ABLIM1: variants seen among roughly 807,000 people sequenced by gnomAD.
ABLIM1 encodes actin binding LIM protein 1, also known as actin-binding LIM protein 1.
A neutral mutation model predicts 107.0 loss-of-function variants in ABLIM1; 40 were observed. The observed-to-expected ratio is 0.37, with a 90% CI of 0.29 to 0.49. ABLIM1 has a LOEUF of 0.49. Ranked by LOEUF, ABLIM1 falls within the 20% of genes least tolerant of loss-of-function variation. The pLI, the probability that ABLIM1 is intolerant of heterozygous loss-of-function variation, is 0.97. For missense variants in ABLIM1, 857 were observed against 1,008.5 expected (o/e 0.85, Z 2.04); for synonymous variants, 357 against 357.3 (o/e 1.00, Z 0.01).
intron 7 of ABLIM1, among the ~76,000 whole-genome samples, chr10:114,490,311 C>A (rs981503379): frequency 2.6e-5 from 4 of 152,160 alleles, no homozygotes; most frequent in African/African-American, 9.7e-5. Context: ...AGTGATCATT[C>A]TAAAGCCAAA....
intron 1 of ABLIM1, among the ~76,000 whole-genome samples, chr10:114,603,547 T>G (rs1190190123): frequency 2.0e-5 from 3 of 151,412 alleles, no homozygotes; most frequent in African/African-American, 7.3e-5. Context: ...TCTAAAGGAA[T>G]TAAGGAGGGA....
chr10:114,719,767 G>T (rs1010644331), intron 1 of ABLIM1, among the ~76,000 whole-genome samples: 2 of 152,108 alleles, frequency 1.3e-5, no homozygotes, highest in Non-Finnish European at 2.9e-5. Context: ...GAAAAATCCC[G>T]TCTTCCCAGG....
intron 4 of ABLIM1, among the ~76,000 whole-genome samples, chr10:114,552,859 G>A (rs969120986): frequency 3.3e-5 from 5 of 152,206 alleles, no homozygotes; most frequent in Non-Finnish European, 1.5e-5. Flanking sequence ...TGGTACATGT[G>A]AGCCACTCAA....
intron 12 of ABLIM1, among the ~76,000 whole-genome samples, chr10:114,462,586 T>C (rs2064171986): frequency 6.6e-6 from 1 of 152,194 alleles, no homozygotes; most frequent in Non-Finnish European, 1.5e-5. Flanking sequence ...CTTTTAATGC[T>C]GCCCAAACAT....
At chr10:114,572,525 G>A (rs1473571481) in intron 3 of ABLIM1, among the ~76,000 whole-genome samples, 1 of 152,140 alleles carries the variant, frequency 6.6e-6, no homozygotes, top group Non-Finnish European at 1.5e-5. Context: ...GAGGAGAGGT[G>A]GTGTCCTCTC....
At chr10:114,459,860 T>C (rs1380077002) in intron 12 of ABLIM1, among the ~76,000 whole-genome samples, 1 of 152,198 alleles carries the variant, frequency 6.6e-6, no homozygotes, top group East Asian at 1.9e-4. Flanking sequence ...CACCTGACGG[T>C]GTCAAACACT....
intron 11 of ABLIM1, 118 bp downstream of exon 11, chr10:114,468,063 C>T: frequency 1.1e-6 from 1 of 875,854 alleles, no homozygotes; most frequent in Non-Finnish European, 1.9e-6. Context: ...CATAACCCCA[C>T]ATGCAGTTTT....
intron 2 of ABLIM1, among the ~76,000 whole-genome samples, chr10:114,583,452 CACACACACACACACACATATATAT>C (rs2073750629): frequency 1.5e-4 from 4 of 26,838 alleles, no homozygotes; most frequent in African/African-American, 3.7e-4. Context: ...CACACACACA[CACACACACACACACACATATATAT>C]ATATATATAT....
At chr10:114,800,692 C>T in the ABLIM1 span, among the ~76,000 whole-genome samples, 2 of 152,116 alleles carry the variant, frequency 1.3e-5, no homozygotes, top group Non-Finnish European at 2.9e-5. Flanking sequence ...GTGGGCTGAT[C>T]ATTTGAGATT....
intron 2 of ABLIM1, among the ~76,000 whole-genome samples, chr10:114,583,468 C>CACACACAT (rs1342722676): frequency 6.6e-5 from 1 of 15,104 alleles, no homozygotes; most frequent in Admixed American, 8.4e-4. Context: ...CACACACACA[C>CACACACAT]ATATATATAT....
intron 8 of ABLIM1, among the ~76,000 whole-genome samples, chr10:114,478,089 CT>C (rs1360370595): frequency 6.6e-5 from 10 of 152,038 alleles, no homozygotes; most frequent in African/African-American, 1.2e-4. Flanking sequence ...AAACATTTAT[CT>C]TTTTTTATTT....
chr10:114,473,778 A>T, intron 9 of ABLIM1, 101 bp downstream of exon 9: 1 of 868,132 alleles, frequency 1.2e-6, no homozygotes, highest in Non-Finnish European at 1.8e-6. Flanking sequence ...CAAAAATAGA[A>T]ATCACTTTGA....
chr10:114,541,129 C>T (rs903165074), intron 6 of ABLIM1, among the ~76,000 whole-genome samples: 3 of 152,064 alleles, frequency 2.0e-5, no homozygotes, highest in African/African-American at 7.2e-5. Flanking sequence ...ACAAGTCAAG[C>T]AACACACAGA....
rs1006509829 is a variant in ABLIM1 at position 114,707,538 on chromosome 10, T to C, written c.-213+60523A>G. On this transcript the variant is annotated intron_variant, in intron 1 of 15. Transcript: ENST00000651092. This position sits in a 1 kb window ranked among gnomAD's most constrained non-coding sequence, Gnocchi z 4.1. ...TAAGCCACCACACCTGGCCCAGTTT[T>C]GTTTTAATGACAAATTTGCTAAACC... is the stretch of plus-strand genomic sequence containing the variant. Among the ~76,000 whole-genome samples, 1 of 152,192 alleles carries C rather than the reference T, an allele frequency of 6.6e-6. No homozygotes were observed. Among genetic ancestry groups the C allele is most frequent in the African/African-American group, 2.4e-5 (1 of 41,454 alleles).
intron 2 of ABLIM1, among the ~76,000 whole-genome samples, chr10:114,588,064 C>T (rs973689143): frequency 3.3e-5 from 5 of 152,160 alleles, no homozygotes; most frequent in African/African-American, 9.7e-5. Flanking sequence ...TTATGTATAA[C>T]TTATTTTTGA....
upstream of ABLIM1, among the ~76,000 whole-genome samples, chr10:114,659,577 A>G (rs987043141): frequency 6.6e-6 from 1 of 152,210 alleles, no homozygotes; most frequent in Non-Finnish European, 1.5e-5. Context: ...TCTTGCACGT[A>G]AAGGTCAGGA....
chr10:114,740,599 T>C (rs933969329), intron 1 of ABLIM1, among the ~76,000 whole-genome samples: 24 of 152,070 alleles, frequency 1.6e-4, no homozygotes, highest in African/African-American at 5.6e-4. Context: ...TACAGGAAAA[T>C]TAGTACTATA....
chr10:114,511,563 A>G (rs2061876256), intron 6 of ABLIM1, among the ~76,000 whole-genome samples: 1 of 151,876 alleles, frequency 6.6e-6, no homozygotes, highest in African/African-American at 2.4e-5. Flanking sequence ...ACAGAGTTTC[A>G]TCATGTTGGC....
At chr10:114,577,498 T>C (rs936259899) in intron 2 of ABLIM1, among the ~76,000 whole-genome samples, 1 of 152,158 alleles carries the variant, frequency 6.6e-6, no homozygotes, top group Non-Finnish European at 1.5e-5. Context: ...ACACAAAAAA[T>C]AGATTGAGAT....
Sources: allele counts gnomAD v4.1 joint callset (sites outside exome capture counted in the v4.1 genomes callset), GRCh38; gene constraint gnomAD v4.1.1; non-coding constraint Gnocchi (gnomAD v3.1); transcripts MANE v1.5; gene names NCBI Gene and HGNC (gene_info 2026-07-23, HGNC 2026-07-21).